The following RAB27A variants were observed in gnomAD, a reference collection of about 807,000 sequenced individuals.
RAB27A encodes the protein RAB27A, member RAS oncogene family, also known as ras-related protein Rab-27A.
In RAB27A, 17 loss-of-function variants were observed where a neutral mutation model predicts 20.8. The observed-to-expected ratio is 0.82, with a 90% CI of 0.56 to 1.23. The LOEUF is 1.23. Among genes scored for constraint, RAB27A ranks in the 50% most tolerant of loss-of-function variants. The pLI is 0.00. For synonymous variants in RAB27A, 85 were observed against 92.8 expected, an observed-to-expected ratio of 0.92 and a Z score of 0.48; for missense variants, 277 against 266.7, an observed-to-expected ratio of 1.04 and a Z score of -0.27.
intron 6 of RAB27A, among the ~76,000 whole-genome samples, chr15:55,209,881 T>C (rs1277215681): frequency 8.1e-6 from 1 of 123,830 alleles, no homozygotes; most frequent in Non-Finnish European, 1.6e-5. Flanking sequence ...CATATATGTG[T>C]GTGTATACAT....
intron 2 of RAB27A, among the ~76,000 whole-genome samples, chr15:55,300,645 C>A (rs1043558403): frequency 5.3e-5 from 8 of 151,704 alleles, no homozygotes; most frequent in African/African-American, 1.7e-4. Flanking sequence ...TGCCATTGCA[C>A]CCCAGTCTGG....
chr15:55,311,865 G>A (rs1020141418), intron 2 of RAB27A, among the ~76,000 whole-genome samples: 2 of 152,114 alleles, frequency 1.3e-5, no homozygotes, highest in East Asian at 1.9e-4. Context: ...AGATCCCTTC[G>A]TGGTCACCAA....
At chr15:55,308,100 G>A (rs540137816) in intron 2 of RAB27A, among the ~76,000 whole-genome samples, 2 of 152,094 alleles carry the variant, frequency 1.3e-5, no homozygotes, top group African/African-American at 2.4e-5. Context: ...CCCATACTAC[G>A]GGTCCTTTTA....
chr15:55,301,192 A>C (rs900387482), intron 2 of RAB27A, among the ~76,000 whole-genome samples: 1 of 152,184 alleles, frequency 6.6e-6, no homozygotes, highest in Non-Finnish European at 1.5e-5. Flanking sequence ...TCCTGGGCTC[A>C]AGCGATTCTC....
chr15:55,273,416 A>AAAAAT (rs1897765238), intron 1 of RAB27A, among the ~76,000 whole-genome samples: 2 of 150,432 alleles, frequency 1.3e-5, no homozygotes, highest in Non-Finnish European at 3.0e-5. Flanking sequence ...CTCAAAAAAA[A>AAAAAT]AAAAATAAAA....
intron 3 of RAB27A, among the ~76,000 whole-genome samples, chr15:55,231,911 C>A (rs376654488): frequency 1.1e-3 from 160 of 146,844 alleles, no homozygotes; most frequent in Non-Finnish European, 1.4e-3. Context: ...ACAACAACAA[C>A]AAAAAAAAAA....
rs1253785399 is a variant in RAB27A at position 55,209,868 on chromosome 15, ATACATATATG to A, written c.468-4173_468-4164del. Among the ~76,000 whole-genome samples, 29 of 14,310 alleles carry A rather than the reference ATACATATATG, an allele frequency of 2.0e-3. 2 individuals are homozygous for A. Among genetic ancestry groups the A allele is most frequent in the South Asian group, 0.012 (1 of 84 alleles). The allele number at this position is 14,310 out of a possible 152,430, so 9.4% of individuals were successfully genotyped here. ...CACATATATGTGTGTATATACATAT[ATACATATATG>A]TGTGTGTATACATATATACACATAT... On this transcript the variant is annotated intron_variant, in intron 6 of 6. Coordinates refer to ENST00000336787, the MANE Select transcript of RAB27A (RefSeq NM_183235.3).
At chr15:55,317,848 C>A (rs775298729) in intron 1 of RAB27A, 78 of 395,804 alleles carry the variant, frequency 2.0e-4, no homozygotes, top group African/African-American at 1.5e-3. Flanking sequence ...ACACTCCACA[C>A]CCAGGAAATC....
At chr15:55,249,872 T>C (rs978210081) in intron 2 of RAB27A, among the ~76,000 whole-genome samples, 2 of 152,212 alleles carry the variant, frequency 1.3e-5, no homozygotes, top group Non-Finnish European at 2.9e-5. Flanking sequence ...GCATTAAATT[T>C]GTGCTTTTCA....
At chr15:55,281,972 T>C (rs1433249140) in intron 1 of RAB27A, among the ~76,000 whole-genome samples, 1 of 152,100 alleles carries the variant, frequency 6.6e-6, no homozygotes, top group Non-Finnish European at 1.5e-5. Context: ...GTGTGAAGAA[T>C]GGGCTATGGC....
chr15:55,299,822 T>C (rs2054964183), intron 2 of RAB27A, among the ~76,000 whole-genome samples: 1 of 151,438 alleles, frequency 6.6e-6, no homozygotes, highest in Non-Finnish European at 1.5e-5. Flanking sequence ...ATTTCTTTTT[T>C]TTTCTTTTTT....
intron 2 of RAB27A, among the ~76,000 whole-genome samples, chr15:55,241,628 G>GTATATATATATATATATATGTATA (rs1566915393): frequency 8.5e-6 from 1 of 118,324 alleles, no homozygotes; most frequent in African/African-American, 6.1e-5. Flanking sequence ...ATATATATGT[G>GTATATATATATATATATATGTATA]TGTATATATA....
exon 1 of RAB27A, chr15:55,319,110 C>A: frequency 1.0e-6 from 1 of 990,046 alleles, no homozygotes; most frequent in South Asian, 1.9e-5. Context: ...GCCACCACGT[C>A]GGGTGGGAGC....
At chr15:55,231,713 G>A (rs1163241901) in intron 3 of RAB27A, among the ~76,000 whole-genome samples, 1 of 152,100 alleles carries the variant, frequency 6.6e-6, no homozygotes, top group Admixed American at 6.5e-5. Context: ...GTCCCATACT[G>A]AGAAAAATTG....
At chr15:55,302,755 G>A (rs372344090) in intron 2 of RAB27A, among the ~76,000 whole-genome samples, 3,852 of 129,688 alleles carry the variant, frequency 0.03, 331 homozygotes, top group African/African-American at 0.13. Flanking sequence ...GAGCACCTCT[G>A]CCCGGCCGAG....
rs186906761 is a variant in RAB27A at position 55,222,295 on chromosome 15, T to C, written c.467+1594A>G. On this transcript the variant is annotated intron_variant, in intron 6 of 6. Coordinates refer to ENST00000336787, the MANE Select transcript of RAB27A (RefSeq NM_183235.3). Reference sequence around the variant, plus strand: ...CTTGCCAGAGTAAGCCTATAGTGGATGGGAATCCTTCAGCTGAGCTAGCCT... The same window carrying C: ...CTTGCCAGAGTAAGCCTATAGTGGACGGGAATCCTTCAGCTGAGCTAGCCT... 4.1e-3 allele frequency among the ~76,000 whole-genome samples: 625 copies of C among 152,318 alleles called. 9 individuals carry two copies. Among genetic ancestry groups the C allele is most frequent in the African/African-American group, 0.014 (594 of 41,580 alleles).
At position 55,303,817 on chromosome 15, in the gene RAB27A, G is replaced by A. The variant is rs1257654051; in HGVS notation, c.-112+10222C>T. On this transcript the variant is annotated intron_variant, in intron 2 of 5. Coordinates refer to the RAB27A transcript ENST00000563262. ...GGGTCAGCCCCCCGCCCGGCCAGCCGCCCCGTCCGGGAGGGAGGTGGGGGG... is the reference window on the plus strand; with the variant it reads ...GGGTCAGCCCCCCGCCCGGCCAGCCACCCCGTCCGGGAGGGAGGTGGGGGG... Among the ~76,000 whole-genome samples the A allele has an allele frequency of 6.3e-5, 8 of 127,100 alleles. No individual in the cohort carries two copies. The East Asian group carries it at 8.8e-4, about 14-fold the overall frequency. 83.4% of individuals were successfully genotyped at this position (127,100 alleles called of 152,430 possible).
chr15:55,206,276 T>TA, intron 6 of RAB27A: 5 of 728,002 alleles, frequency 6.9e-6, no homozygotes, highest in Non-Finnish European at 8.4e-6. Flanking sequence ...TGATTTACTG[T>TA]AAAAAATTTA....
chr15:55,238,863 T>A lies in RAB27A; in HGVS notation c.-22-3907A>T, dbSNP rs572482156. 7.9e-5 allele frequency among the ~76,000 whole-genome samples: 12 copies of A among 152,290 alleles called. No homozygotes were observed. The South Asian group carries it at 2.5e-3, about 32-fold the overall frequency. On this transcript the variant is annotated intron_variant, in intron 2 of 6. Coordinates refer to ENST00000336787, the MANE Select transcript of RAB27A (RefSeq NM_183235.3). ...TGATCAACTTAAAAAGAGGTTCAAA[T>A]CCATATAAAATACACCATCCATTTT...
Sources: allele counts gnomAD v4.1 joint callset (sites outside exome capture counted in the v4.1 genomes callset), GRCh38; gene constraint gnomAD v4.1.1; transcripts MANE v1.5; gene names NCBI Gene and HGNC (gene_info 2026-07-23, HGNC 2026-07-21).